The following DIAPH3 variants were observed in gnomAD, a reference collection of about 807,000 sequenced individuals.
DIAPH3 encodes the protein diaphanous related formin 3.
Under a neutral mutation model 144.3 loss-of-function variants are expected in DIAPH3, and 117 were observed. The observed-to-expected ratio is 0.81, with a 90% CI of 0.70 to 0.95. The LOEUF (loss-of-function observed/expected upper bound fraction) is 0.95. Ranked by LOEUF, DIAPH3 falls within the 40% of genes least tolerant of loss-of-function variation. DIAPH3 has a pLI of 0.00. For missense variants in DIAPH3, 1,421 were observed against 1,412.7 expected (o/e 1.01, Z -0.09); for synonymous variants, 519 against 488.9 (o/e 1.06, Z -0.81).
intron 3 of DIAPH3, among the ~76,000 whole-genome samples, chr13:60,095,641 T>C (rs913097469): frequency 2.6e-5 from 4 of 151,918 alleles, no homozygotes; most frequent in Non-Finnish European, 5.9e-5. Context: ...TTTTAGTCTG[T>C]CTGGACCAGT....
chr13:60,055,114 A>G (rs2056506944), intron 4 of DIAPH3, among the ~76,000 whole-genome samples: 1 of 151,966 alleles, frequency 6.6e-6, no homozygotes, highest in Non-Finnish European at 1.5e-5. Flanking sequence ...AGTACATTAA[A>G]AAGCTTAAAA....
intron 4 of DIAPH3, among the ~76,000 whole-genome samples, chr13:60,046,201 A>C (rs766258150): frequency 3.3e-5 from 5 of 152,234 alleles, no homozygotes; most frequent in Non-Finnish European, 5.9e-5. Context: ...TTACAGCTAC[A>C]TCCCTAAAGA....
chr13:59,684,525 T>C (rs539712126), intron 27 of DIAPH3, among the ~76,000 whole-genome samples: 2 of 152,312 alleles, frequency 1.3e-5, no homozygotes, highest in East Asian at 3.9e-4. Flanking sequence ...CTTTCTTTGT[T>C]TACTGGGGAT....
At chr13:60,011,726 T>C (rs948022537) in intron 7 of DIAPH3, among the ~76,000 whole-genome samples, 17 of 152,162 alleles carry the variant, frequency 1.1e-4, no homozygotes, top group Non-Finnish European at 2.4e-4. Flanking sequence ...TGAAGGATGA[T>C]TTGAGCAGAT....
chr13:59,995,850 G>A lies in DIAPH3; in HGVS notation c.1015-3267C>T, dbSNP rs78887566. Among the ~76,000 whole-genome samples the A allele has an allele frequency of 5.8e-3, 874 of 151,994 alleles. 9 individuals carry two copies. The highest frequency in any genetic ancestry group is 0.02 in the African/African-American group (837 of 41,502). Reference sequence around the variant, plus strand: ...AAAGCAATTGCCATAGCAATAATACGTAAAAACCAAGACCTCAGATGGAAT... The same window carrying A: ...AAAGCAATTGCCATAGCAATAATACATAAAAACCAAGACCTCAGATGGAAT... On this transcript the variant is annotated intron_variant, in intron 9 of 27. Transcript: ENST00000400324.
intron 21 of DIAPH3, among the ~76,000 whole-genome samples, chr13:59,871,204 G>A (rs942386881): frequency 3.4e-4 from 49 of 144,628 alleles, no homozygotes; most frequent in African/African-American, 1.0e-3. Flanking sequence ...TTGGGGGGGG[G>A]GGTGGCGGGC....
chr13:59,950,934 G>A (rs1217006033), intron 17 of DIAPH3, among the ~76,000 whole-genome samples: 5 of 152,192 alleles, frequency 3.3e-5, no homozygotes, highest in African/African-American at 9.6e-5. Flanking sequence ...ATTGAATAGT[G>A]TAGTGGAGTT....
chr13:59,898,455 GT>G (rs559670154), intron 20 of DIAPH3, among the ~76,000 whole-genome samples: 1 of 151,972 alleles, frequency 6.6e-6, no homozygotes, highest in African/African-American at 2.4e-5. Flanking sequence ...CTAAGACAAA[GT>G]TTTTTTTAAC....
chr13:59,774,789 C>T lies in DIAPH3; in HGVS notation c.3198G>A (p.Leu1066=). ...GDETGVMDNL[L]EALQSGAAFR... Reference sequence around the variant, plus strand: ...AGGCAGCCCCGGACTGCAAGGCCTCCAGCAGATTATCCATCACTCCTGTCT... The same window carrying T: ...AGGCAGCCCCGGACTGCAAGGCCTCTAGCAGATTATCCATCACTCCTGTCT... Residue 1066 remains leucine (L), a synonymous_variant, in exon 26 of 28, where the codon CTG becomes CTA. Coordinates refer to ENST00000400324, the MANE Select transcript of DIAPH3 (RefSeq NM_001042517.2). The T allele has an allele frequency of 6.2e-7, 1 of 1,614,164 alleles. No individual in the cohort carries two copies. The highest frequency in any genetic ancestry group is 8.5e-7 in the Non-Finnish European group (1 of 1,180,020).
At chr13:60,129,459 A>T (rs9317101) in intron 2 of DIAPH3, among the ~76,000 whole-genome samples, 88,778 of 152,050 alleles carry the variant, frequency 0.58, 26,539 homozygotes, top group Admixed American at 0.69. Context: ...CTTTAACAAG[A>T]CAGTGAAATT....
intron 21 of DIAPH3, among the ~76,000 whole-genome samples, chr13:59,874,915 T>C (rs779377437): frequency 6.6e-6 from 1 of 152,168 alleles, no homozygotes; most frequent in South Asian, 2.1e-4. Context: ...TAGTAAACAT[T>C]ATTAAACACA....
chr13:59,952,329 G>A (rs748328956), intron 17 of DIAPH3, among the ~76,000 whole-genome samples: 19 of 152,120 alleles, frequency 1.2e-4, no homozygotes, highest in Non-Finnish European at 1.8e-4. Context: ...GATAGAGGCC[G>A]TACTAAAAGC....
At chr13:59,756,587 C>T (rs769012712) in intron 27 of DIAPH3, among the ~76,000 whole-genome samples, 3 of 151,816 alleles carry the variant, frequency 2.0e-5, no homozygotes, top group Non-Finnish European at 4.4e-5. Flanking sequence ...GCTAAAGTTG[C>T]TGTTAAAATA....
chr13:60,136,991 T>C (rs1375335378), intron 1 of DIAPH3, among the ~76,000 whole-genome samples: 3 of 152,058 alleles, frequency 2.0e-5, no homozygotes, highest in South Asian at 4.1e-4. Flanking sequence ...AGACTACTGG[T>C]TATTGGTTAA....
At chr13:59,917,211 T>C (rs1593972494) in intron 18 of DIAPH3, among the ~76,000 whole-genome samples, 2 of 152,122 alleles carry the variant, frequency 1.3e-5, no homozygotes, top group Non-Finnish European at 2.9e-5. Context: ...CAACTGTGGA[T>C]CAAATTCAAT....
chr13:59,753,069 T>C (rs1347848279), intron 27 of DIAPH3, among the ~76,000 whole-genome samples: 1 of 152,232 alleles, frequency 6.6e-6, no homozygotes, highest in Non-Finnish European at 1.5e-5. Flanking sequence ...GCTTTTTAAA[T>C]ACTATCTGGA....
At chr13:59,881,323 G>A (rs2045028378) in intron 20 of DIAPH3, among the ~76,000 whole-genome samples, 1 of 152,004 alleles carries the variant, frequency 6.6e-6, no homozygotes, top group Non-Finnish European at 1.5e-5. Context: ...TGTAGTACCT[G>A]TAGTTATGGC....
rs750884977 is a variant in DIAPH3 at position 59,971,017 on chromosome 13, TGGAGGAGGTGGTGGG to T, written c.1779_1793del (p.Pro594_Pro598del). 4.3e-6 allele frequency: 7 copies of T among 1,611,142 alleles called. No individual in the cohort carries two copies. Among genetic ancestry groups the T allele is most frequent in the Non-Finnish European group, 5.1e-6 (6 of 1,178,708 alleles). Reference sequence around the variant, plus strand: ...TGAATGGCATCCGCATTCCTGGAAGTGGAGGAGGTGGTGGGGGAGGAGGTGGAGGCGGCACCCCTC... The same window carrying T: ...TGAATGGCATCCGCATTCCTGGAAGTGGAGGAGGTGGAGGCGGCACCCCTC... On this transcript the variant is annotated inframe_deletion, in exon 16 of 28. Transcript: ENST00000400324.
intron 20 of DIAPH3, among the ~76,000 whole-genome samples, chr13:59,907,970 G>A (rs753239074): frequency 1.1e-4 from 16 of 152,012 alleles, no homozygotes; most frequent in Non-Finnish European, 1.5e-4. Context: ...AAGTTTCAAG[G>A]ATATACAATT....
Sources: allele counts gnomAD v4.1 joint callset (sites outside exome capture counted in the v4.1 genomes callset), GRCh38; gene constraint gnomAD v4.1.1; transcripts MANE v1.5; gene names NCBI Gene and HGNC (gene_info 2026-07-23, HGNC 2026-07-21).